NSD2: variants seen among roughly 807,000 people sequenced by gnomAD.
NSD2 encodes nuclear receptor binding SET domain protein 2, also known as histone-lysine N-methyltransferase NSD2.
A neutral mutation model predicts 139.0 loss-of-function variants in NSD2; 12 were observed. The ratio of observed to expected loss-of-function variants is 0.09; its 90% CI spans 0.06 to 0.14. The LOEUF (loss-of-function observed/expected upper bound fraction) is 0.14. NSD2 is among the 10% of genes least tolerant of loss of function. The pLI is 1.00. For synonymous variants in NSD2, 669 were observed against 648.7 expected, an observed-to-expected ratio of 1.03 and a Z score of -0.48; for missense variants, 1,155 against 1,745.0, an observed-to-expected ratio of 0.66 and a Z score of 6.02.
At position 1,952,243 on chromosome 4, in the gene NSD2, C is replaced by T. The variant is rs201970252; in HGVS notation, c.2137+12C>T. Reference sequence around the variant, plus strand: ...CGAGTGTGCCTCAGGCAAGTTCCCACGGGCGGGCAGCTCTGCAGCCTGGCC... The same window carrying T: ...CGAGTGTGCCTCAGGCAAGTTCCCATGGGCGGGCAGCTCTGCAGCCTGGCC... On this transcript the variant is annotated intron_variant, in intron 11 of 21. Transcript: ENST00000508803. 3.7e-5 allele frequency: 59 copies of T among 1,612,896 alleles called. No homozygotes were observed. The highest frequency in any genetic ancestry group is 3.5e-4 in the African/African-American group (26 of 75,014).
chr4:1,961,171 T>TG lies in NSD2; in HGVS notation c.3372+21dup. 1 of 1,583,854 alleles carries TG rather than the reference T, an allele frequency of 6.3e-7. No homozygotes were observed. Among genetic ancestry groups the TG allele is most frequent in the Non-Finnish European group, 8.7e-7 (1 of 1,155,272 alleles). On this transcript the variant is annotated intron_variant, in intron 18 of 21. Transcript: ENST00000508803. ...GACAAGGTAATGCGGAACTCCACTG[T>TG]GAGCTTCTGCAGTGTGCTGGACCTG...
chr4:1,943,281 C>T (rs1723287674), intron 9 of NSD2: 1 of 1,043,592 alleles, frequency 9.6e-7, no homozygotes, highest in Non-Finnish European at 1.2e-6. Flanking sequence ...GATTCTTTGG[C>T]TGTGTTTTAT....
rs1166527461 is a variant in NSD2, at chr4:1,918,292, C to A, written c.1079C>A (p.Ala360Asp). The A allele has an allele frequency of 6.2e-7, 1 of 1,613,852 alleles. No homozygotes were observed. Among genetic ancestry groups the A allele is most frequent in the Non-Finnish European group, 8.5e-7 (1 of 1,180,020 alleles). ...GDQLHLNPQV[A>D]KEAGIAAESL... is the part of the protein sequence containing the mutation. ...CAGCTTCATCTCAACCCTCAAGTAG[C>A]CAAGGAGGCTGGCATTGCTGCAGAG... The change falls in exon 5 of 22, where the codon GCC becomes GAC. Residue 360 changes from alanine (A) to aspartate (D), a missense_variant. Physicochemically the swap from Ala to Asp is moderately radical, Grantham distance 126. Around this residue, in one of 8 missense-constraint regions of NSD2, gnomAD observed 420 missense variants for 469.0 expected, o/e 0.90. Transcript: ENST00000508803.
chr4:1,918,722 T>G, intron 5 of NSD2, 99 bp downstream of exon 5: 9 of 1,466,304 alleles, frequency 6.1e-6, no homozygotes, highest in South Asian at 1.4e-5. Flanking sequence ...CAGGAGACTC[T>G]AACATGAGCC....
intron 4 of NSD2, 24 bp from the exon 5 acceptor site, chr4:1,918,117 C>T (rs1280924361): frequency 6.3e-7 from 1 of 1,594,572 alleles, no homozygotes. Context: ...GTGAAACTTA[C>T]AGTGTCTCTT....
chr4:1,949,242 G>C (rs1723958592), intron 9 of NSD2, among the ~76,000 whole-genome samples: 1 of 152,240 alleles, frequency 6.6e-6, no homozygotes, highest in African/African-American at 2.4e-5. Flanking sequence ...CTCTTGCAGG[G>C]CCCTCCTGGC....
intron 7 of NSD2, among the ~76,000 whole-genome samples, chr4:1,935,826 A>G (rs1303634731): frequency 1.3e-5 from 2 of 151,926 alleles, no homozygotes; most frequent in African/African-American, 2.4e-5. Flanking sequence ...ATGCCACTGC[A>G]CTCCAGCCTG....
chr4:1,916,017 C>T, intron 3 of NSD2, among the ~76,000 whole-genome samples: 1 of 152,126 alleles, frequency 6.6e-6, no homozygotes, highest in Non-Finnish European at 1.5e-5. Flanking sequence ...TTCCTCATCC[C>T]CCTGGCTGCA....
At chr4:1,896,705 C>T (rs996896724) in intron 1 of NSD2, among the ~76,000 whole-genome samples, 5 of 141,626 alleles carry the variant, frequency 3.5e-5, no homozygotes, top group African/African-American at 1.3e-4. Flanking sequence ...CTCTTCCATT[C>T]CTCTCCTTCC....
intron 7 of NSD2, among the ~76,000 whole-genome samples, chr4:1,937,527 A>G (rs1408761314): frequency 6.6e-6 from 1 of 151,604 alleles, no homozygotes; most frequent in African/African-American, 2.4e-5. Context: ...AGGAGATAGC[A>G]CATGATAAAA....
chr4:1,964,755 C>T (rs1725713916), intron 18 of NSD2, among the ~76,000 whole-genome samples: 1 of 152,106 alleles, frequency 6.6e-6, no homozygotes, highest in African/African-American at 2.4e-5. Context: ...CTCTTTTTCC[C>T]CTTTTGGGAG....
chr4:1,903,092 A>C (rs1287133010), intron 2 of NSD2, among the ~76,000 whole-genome samples: 1 of 152,176 alleles, frequency 6.6e-6, no homozygotes, highest in Non-Finnish European at 1.5e-5. Context: ...GATCAAAAAA[A>C]CATGAAAATG....
At chr4:1,943,741 C>A in intron 9 of NSD2, 1 of 1,056,408 alleles carries the variant, frequency 9.5e-7, no homozygotes, top group Non-Finnish European at 1.1e-6. Flanking sequence ...AAAAACCCCA[C>A]GAAATTTAAA....
Position 1,981,819 on chromosome 4 carries a change from T to C in NSD2, c.*2910T>C, listed in dbSNP as rs978308800. 5.0e-6 allele frequency: 2 copies of C among 398,450 alleles called. No individual in the cohort carries two copies. Among genetic ancestry groups the C allele is most frequent in the African/African-American group, 4.1e-5 (2 of 48,554 alleles). The allele number at this position is 398,450 out of a possible 1,614,324, so 24.7% of individuals were successfully genotyped here. On this transcript the variant is annotated 3_prime_UTR_variant, in exon 22 of 22. Coordinates refer to ENST00000508803, the MANE Select transcript of NSD2 (RefSeq NM_001042424.3). ...GCAAATGACTGTCAGTTGCCAAATA[T>C]CTTGATCCTATGAGTGTAGTTGATG...
At chr4:1,936,431 G>A (rs1032037821) in intron 7 of NSD2, among the ~76,000 whole-genome samples, 11 of 152,154 alleles carry the variant, frequency 7.2e-5, no homozygotes, top group Admixed American at 6.5e-5. Context: ...AGCACTTTGG[G>A]AGGCTGAGGC....
chr4:1,872,564 T>TTGTGTGTGTGTGTGTG (rs752377919), intron 1 of NSD2, among the ~76,000 whole-genome samples: 17 of 101,154 alleles, frequency 1.7e-4, no homozygotes, highest in African/African-American at 5.9e-4. Flanking sequence ...AACGTGTATT[T>TTGTGTGTGTGTGTGTG]TGTGTGTGTG....
intron 1 of NSD2, among the ~76,000 whole-genome samples, chr4:1,897,232 A>G (rs944080663): frequency 9.9e-5 from 15 of 151,742 alleles, no homozygotes; most frequent in African/African-American, 3.4e-4. Flanking sequence ...CTGTAATCCC[A>G]GTACTTTGGG....
At chr4:1,903,346 G>C (rs1717440980) in intron 2 of NSD2, among the ~76,000 whole-genome samples, 1 of 152,136 alleles carries the variant, frequency 6.6e-6, no homozygotes, top group African/African-American at 2.4e-5. Flanking sequence ...TTCTTTGGTG[G>C]AATGTTCAGC....
At chr4:1,935,368 C>G in intron 7 of NSD2, 106 bp downstream of exon 7, 1 of 777,610 alleles carries the variant, frequency 1.3e-6, no homozygotes, top group Non-Finnish European at 2.1e-6. Flanking sequence ...GGTGTCAGTG[C>G]ACCCAGCTCC....
Sources: allele counts gnomAD v4.1 joint callset (sites outside exome capture counted in the v4.1 genomes callset), GRCh38; gene constraint gnomAD v4.1.1; regional missense constraint gnomAD v4.1.1; transcripts MANE v1.5; gene names NCBI Gene and HGNC (gene_info 2026-07-23, HGNC 2026-07-21).